Variants in ABTB3 observed in about 807,000 individuals in gnomAD.
ABTB3 encodes ankyrin repeat and BTB domain containing 3.
the ABTB3 span, among the ~76,000 whole-genome samples, chr12:107,324,417 C>A: frequency 6.6e-6 from 1 of 151,900 alleles, no homozygotes; most frequent in Non-Finnish European, 1.5e-5. Context: ...TTGCTTGGGG[C>A]CAGGAGTTTG....
chr12:107,398,761 A>G, the ABTB3 span, among the ~76,000 whole-genome samples: 1 of 152,180 alleles, frequency 6.6e-6, no homozygotes, highest in Non-Finnish European at 1.5e-5. Flanking sequence ...AACTCACACT[A>G]CACAAGACTT....
the ABTB3 span, among the ~76,000 whole-genome samples, chr12:107,644,608 A>G: frequency 2.2e-4 from 33 of 152,310 alleles, no homozygotes; most frequent in African/African-American, 7.9e-4. Flanking sequence ...GCAGGTGTGA[A>G]AATTCACATT....
At chr12:107,482,542 G>C in the ABTB3 span, among the ~76,000 whole-genome samples, 2 of 152,262 alleles carry the variant, frequency 1.3e-5, no homozygotes, top group East Asian at 3.9e-4. Context: ...GCTGGGAAAT[G>C]ACTTAAAAGC....
the ABTB3 span, among the ~76,000 whole-genome samples, chr12:107,344,957 T>C: frequency 5.3e-5 from 8 of 152,210 alleles, no homozygotes; most frequent in Admixed American, 4.6e-4. Flanking sequence ...AGCCTTGGAT[T>C]AGAAAGCACT....
chr12:107,604,209 GAGGCCGAAGC>G, the ABTB3 span, among the ~76,000 whole-genome samples: 1 of 152,104 alleles, frequency 6.6e-6, no homozygotes, highest in South Asian at 2.1e-4. Flanking sequence ...GGCACTTTGG[GAGGCCGAAGC>G]AGGCAGGTCA....
the ABTB3 span, among the ~76,000 whole-genome samples, chr12:107,383,484 T>C: frequency 1.3e-5 from 2 of 152,220 alleles, no homozygotes; most frequent in African/African-American, 4.8e-5. Context: ...TTCTCTTCTG[T>C]AAAATGAGGA....
the ABTB3 span, among the ~76,000 whole-genome samples, chr12:107,386,886 G>A: frequency 7.4e-6 from 1 of 134,832 alleles, no homozygotes; most frequent in South Asian, 2.3e-4. Context: ...CGAAGGAAAT[G>A]GAAAGTGTGT....
At chr12:107,508,205 C>T in the ABTB3 span, among the ~76,000 whole-genome samples, 2 of 151,652 alleles carry the variant, frequency 1.3e-5, no homozygotes, top group Non-Finnish European at 2.9e-5. Flanking sequence ...CATTGCTTAG[C>T]ACAATGAGTA....
chr12:107,481,299 T>C, the ABTB3 span, among the ~76,000 whole-genome samples: 3 of 152,134 alleles, frequency 2.0e-5, no homozygotes, highest in Admixed American at 1.3e-4. Flanking sequence ...AACAGGCCTA[T>C]ATGTGGTGAG....
At chr12:107,415,539 T>A in the ABTB3 span, among the ~76,000 whole-genome samples, 1 of 151,584 alleles carries the variant, frequency 6.6e-6, no homozygotes, top group Non-Finnish European at 1.5e-5. Flanking sequence ...AAACCCCGTC[T>A]CTACTAAAAA....
chr12:107,557,441 A>G, the ABTB3 span, among the ~76,000 whole-genome samples: 2 of 152,266 alleles, frequency 1.3e-5, no homozygotes, highest in African/African-American at 2.4e-5. Context: ...ATTATCATAC[A>G]GTACATGACT....
the ABTB3 span, among the ~76,000 whole-genome samples, chr12:107,339,798 C>A: frequency 6.6e-6 from 1 of 152,110 alleles, no homozygotes; most frequent in Non-Finnish European, 1.5e-5. Flanking sequence ...GTTTTGATAA[C>A]TAATTTGCCA....
At chr12:107,589,620 G>A in the ABTB3 span, among the ~76,000 whole-genome samples, 16,440 of 152,304 alleles carry the variant, frequency 0.11, 1,029 homozygotes, top group African/African-American at 0.15. Flanking sequence ...TGTGCAGATG[G>A]GAAACGTGGT....
the ABTB3 span, among the ~76,000 whole-genome samples, chr12:107,411,219 G>C: frequency 6.6e-6 from 1 of 152,200 alleles, no homozygotes; most frequent in Non-Finnish European, 1.5e-5. Flanking sequence ...AGAATCACTT[G>C]AACCCAGGAG....
At chr12:107,360,578 G>T in the ABTB3 span, among the ~76,000 whole-genome samples, 182 of 152,324 alleles carry the variant, frequency 1.2e-3, 2 homozygotes, top group South Asian at 0.013. Flanking sequence ...ACCCTGCCCT[G>T]ACTTGTTTCA....
At chr12:107,359,910 G>T in the ABTB3 span, among the ~76,000 whole-genome samples, 3 of 152,046 alleles carry the variant, frequency 2.0e-5, no homozygotes, top group South Asian at 2.1e-4. Context: ...TGACACCAGG[G>T]TTATTGCCAA....
chr12:107,357,774 A>G, the ABTB3 span, among the ~76,000 whole-genome samples: 4 of 152,164 alleles, frequency 2.6e-5, no homozygotes, highest in Non-Finnish European at 5.9e-5. Context: ...ACCCAACTCC[A>G]CTGTCCACTC....
chr12:107,616,829 G>A, the ABTB3 span, among the ~76,000 whole-genome samples: 1 of 152,184 alleles, frequency 6.6e-6, no homozygotes, highest in Non-Finnish European at 1.5e-5. Flanking sequence ...CCTGGGTGGG[G>A]CCTGAGAGTC....
At chr12:107,641,964 C>A in the ABTB3 span, 1 of 830,588 alleles carries the variant, frequency 1.2e-6, no homozygotes, top group Admixed American at 1.8e-5. Context: ...AAGGATATAC[C>A]AGTGCTATAT....
Sources: allele counts gnomAD v4.1 joint callset (sites outside exome capture counted in the v4.1 genomes callset), GRCh38; gene constraint gnomAD v4.1.1; transcripts MANE v1.5; gene names NCBI Gene and HGNC (gene_info 2026-07-23, HGNC 2026-07-21).